TMEM181: variants seen among roughly 807,000 people sequenced by gnomAD.
TMEM181 encodes the protein G protein-coupled receptor 178.
In TMEM181, 39 loss-of-function variants were observed where a neutral mutation model predicts 71.9. The ratio of observed to expected loss-of-function variants is 0.54; its 90% CI spans 0.42 to 0.71. TMEM181 has a LOEUF of 0.71. Ranked by LOEUF, TMEM181 falls within the 30% of genes least tolerant of loss-of-function variation. The probability of loss-of-function intolerance (pLI) is 0.00; values close to 1 mark genes in which losing one functional copy is unlikely to be tolerated. For synonymous variants in TMEM181, 245 were observed against 228.8 expected (o/e 1.07, Z -0.64); for missense variants, 595 against 583.0 (o/e 1.02, Z -0.21).
chr6:158,614,491 T>G (rs1401973948), intron 10 of TMEM181, among the ~76,000 whole-genome samples: 1 of 151,662 alleles, frequency 6.6e-6, no homozygotes, highest in Non-Finnish European at 1.5e-5. Context: ...TAAAAAAAAT[T>G]TTTTTTTAAT....
At chr6:158,623,467 A>T (rs1786090091) in intron 10 of TMEM181, 83 bp from the exon 11 acceptor site, 1 of 1,016,824 alleles carries the variant, frequency 9.8e-7, no homozygotes, top group Admixed American at 3.1e-5. Context: ...AAGTAAAAAA[A>T]ACAAAAAGTC....
At chr6:158,566,131 T>A (rs978142495) in intron 1 of TMEM181, among the ~76,000 whole-genome samples, 2 of 152,058 alleles carry the variant, frequency 1.3e-5, no homozygotes, top group Non-Finnish European at 2.9e-5. Context: ...CGGTTGGAGT[T>A]GTTGTGTCCT....
rs567136514 is a variant in TMEM181 at position 158,601,731 on chromosome 6, C to T, written c.493-3536C>T. On this transcript the variant is annotated intron_variant, in intron 6 of 16. Transcript: ENST00000684151. ...CCGAGATCCCGCCACTGCAGCCCAG[C>T]CTGGGTGGCAGAGCAAGACTGTCTC... Among the ~76,000 whole-genome samples, 10 of 151,050 alleles carry T rather than the reference C, an allele frequency of 6.6e-5. No homozygotes were observed. The East Asian group carries it at 1.9e-3, about 29-fold the overall frequency.
chr6:158,611,387 C>G (rs947142857), intron 10 of TMEM181: 6 of 535,012 alleles, frequency 1.1e-5, no homozygotes, highest in Middle Eastern at 3.2e-4. Context: ...CCTGGATGCC[C>G]TGGTTAGCCT....
chr6:158,609,905 C>G (rs971339864), intron 10 of TMEM181: 1 of 234,264 alleles, frequency 4.3e-6, no homozygotes, highest in African/African-American at 2.3e-5. Flanking sequence ...TGGGATCTGC[C>G]TCAGCACTTC....
chr6:158,540,081 A>G (rs771970411), intron 1 of TMEM181, among the ~76,000 whole-genome samples: 2 of 152,226 alleles, frequency 1.3e-5, no homozygotes, highest in African/African-American at 4.8e-5. Context: ...CTTGATAGCA[A>G]TTGGCTGCTG....
In TMEM181 at chr6:158,583,951, CAGCTAA is replaced by C. The variant is rs756588086; in HGVS notation, c.170_175del (p.Leu57_Lys58del). The C allele has an allele frequency of 1.8e-4, 282 of 1,578,558 alleles. No individual in the cohort carries two copies. The highest frequency in any genetic ancestry group is 2.3e-4 in the Non-Finnish European group (266 of 1,163,538). On this transcript the variant is annotated splice_acceptor_variant and coding_sequence_variant, in exon 4 of 17. Coordinates refer to ENST00000684151, the MANE Select transcript of TMEM181 (RefSeq NM_001376852.1). LOFTEE classifies it high-confidence loss of function. ...ATGGATTACTTTGTTTTTTTTTCTT[CAGCTAA>C]AGCCAATTCAAATACTTTCAAATCC... is the stretch of plus-strand genomic sequence containing the variant.
At chr6:158,549,583 A>C (rs1404004792) in intron 1 of TMEM181, among the ~76,000 whole-genome samples, 1 of 152,246 alleles carries the variant, frequency 6.6e-6, no homozygotes, top group Non-Finnish European at 1.5e-5. Context: ...GGCTCTCAAA[A>C]ATAATATTTA....
intron 2 of TMEM181, among the ~76,000 whole-genome samples, chr6:158,579,574 C>T (rs773469056): frequency 1.3e-5 from 2 of 151,820 alleles, no homozygotes; most frequent in Non-Finnish European, 2.9e-5. Flanking sequence ...CAAAAATTAG[C>T]CGAGCATGGT....
rs1196475173 is a variant in TMEM181, at chr6:158,626,818, T to TCA, written c.1109+1074_1109+1075dup. The stretch of plus-strand genomic sequence containing the variant: ...GCCTTCACTCACAACTGACCCACCC[T>TCA]CACACACACACCTTCACACACACCC... On this transcript the variant is annotated intron_variant, in intron 13 of 16. Transcript: ENST00000684151. 1.7e-5 allele frequency: 7 copies of TCA among 402,954 alleles called. 1 individual carries two copies. Among genetic ancestry groups the TCA allele is most frequent in the Admixed American group, 1.1e-4 (4 of 37,530 alleles). The allele number at this position is 402,954 out of a possible 1,614,324, so 25.0% of individuals were successfully genotyped here.
chr6:158,604,561 G>A (rs974151323), intron 6 of TMEM181, among the ~76,000 whole-genome samples: 3 of 152,096 alleles, frequency 2.0e-5, no homozygotes, highest in Non-Finnish European at 2.9e-5. Flanking sequence ...CCCTGTCCTC[G>A]GCTCCATCAG....
At chr6:158,612,179 C>T (rs1470749740) in intron 10 of TMEM181, among the ~76,000 whole-genome samples, 2 of 152,190 alleles carry the variant, frequency 1.3e-5, no homozygotes, top group African/African-American at 4.8e-5. Context: ...CTGTGTTTTA[C>T]TGTCTACTCT....
chr6:158,632,878 G>C lies in TMEM181; in HGVS notation c.*990G>C, dbSNP rs1786737408. On this transcript the variant is annotated 3_prime_UTR_variant, in exon 17 of 17. Coordinates refer to ENST00000684151, the MANE Select transcript of TMEM181 (RefSeq NM_001376852.1). ...AGCCCAGGAGTTTGAGACCAGCCTG[G>C]GCAACACAGGGAGACCCCGTCTCTA... 6.6e-6 allele frequency: 1 copy of C among 152,436 alleles called. No homozygotes were observed. The highest frequency in any genetic ancestry group is 1.5e-5 in the Non-Finnish European group (1 of 68,236). 9.4% of individuals were successfully genotyped at this position (152,436 alleles called of 1,614,324 possible). A position where few individuals can be genotyped will look rare whatever the true frequency, so the allele number is the denominator to read the frequency against.
intron 1 of TMEM181, among the ~76,000 whole-genome samples, chr6:158,565,938 G>A (rs1295459589): frequency 6.6e-6 from 1 of 152,232 alleles, no homozygotes; most frequent in Non-Finnish European, 1.5e-5. Flanking sequence ...GTTCTGAAAG[G>A]ACAGTTCCCG....
In TMEM181 at chr6:158,625,937, T is replaced by G. The variant is rs147303681; in HGVS notation, c.1109+183T>G. On this transcript the variant is annotated intron_variant, in intron 13 of 16. Coordinates refer to ENST00000684151, the MANE Select transcript of TMEM181 (RefSeq NM_001376852.1). ...GCAGCCGTCAGCCTGGAGAGCATGT[T>G]TTTGTTGTAAGCGGCCGAGGACTGG... Among the ~76,000 whole-genome samples the G allele has an allele frequency of 1.1e-4, 16 of 152,274 alleles. No homozygotes were observed. In the East Asian group the frequency reaches 3.1e-3, roughly 29 times the overall value.
Position 158,620,799 on chromosome 6 carries a change from C to T in TMEM181, c.897-2751C>T, listed in dbSNP as rs1166024938. Reference sequence around the variant, plus strand: ...CCTGGGTTGCAAGAGAGCCTCTGTCCCCAACATCTGTCCCGGGTTTCAGCA... The same window carrying T: ...CCTGGGTTGCAAGAGAGCCTCTGTCTCCAACATCTGTCCCGGGTTTCAGCA... On this transcript the variant is annotated intron_variant, in intron 10 of 16. Coordinates refer to ENST00000684151, the MANE Select transcript of TMEM181 (RefSeq NM_001376852.1). The surrounding 1 kb of genome is among the most constrained non-coding windows in gnomAD (Gnocchi z 4.5). 2.0e-5 allele frequency among the ~76,000 whole-genome samples: 3 copies of T among 152,148 alleles called. No individual in the cohort carries two copies. The highest frequency in any genetic ancestry group is 4.4e-5 in the Non-Finnish European group (3 of 68,022).
At chr6:158,581,623 G>C (rs1258870160) in intron 3 of TMEM181, among the ~76,000 whole-genome samples, 2 of 151,724 alleles carry the variant, frequency 1.3e-5, no homozygotes, top group African/African-American at 4.8e-5. Context: ...GCGTGGTGGG[G>C]GGGCGCCTGT....
intron 8 of TMEM181, 72 bp from the exon 9 acceptor site, chr6:158,608,261 A>G: frequency 6.5e-7 from 1 of 1,532,426 alleles, no homozygotes; most frequent in Non-Finnish European, 8.8e-7. Flanking sequence ...GACCCCGCAG[A>G]GGTATGGGGT....
chr6:158,629,604 C>T (rs1373852555), intron 14 of TMEM181, 126 bp from the exon 15 acceptor site: 6 of 745,350 alleles, frequency 8.0e-6, no homozygotes, highest in East Asian at 8.0e-5. Context: ...GGGTAATGGA[C>T]CCCCGGGCAC....
Sources: allele counts gnomAD v4.1 joint callset (sites outside exome capture counted in the v4.1 genomes callset), GRCh38; gene constraint gnomAD v4.1.1; non-coding constraint Gnocchi (gnomAD v3.1); transcripts MANE v1.5; gene names NCBI Gene and HGNC (gene_info 2026-07-23, HGNC 2026-07-21).